Variants in DPYD observed in about 807,000 individuals in gnomAD.
DPYD encodes dihydropyrimidine dehydrogenase [NADP(+)].
In DPYD, 109 loss-of-function variants were observed where a neutral mutation model predicts 116.2. The ratio of observed to expected loss-of-function variants is 0.94; its 90% confidence interval spans 0.80 to 1.10. DPYD has a LOEUF of 1.10. DPYD is among the 50% of genes least tolerant of loss of function. DPYD has a pLI of 0.00. For missense variants in DPYD, 1,302 were observed against 1,254.5 expected (o/e 1.04, Z -0.57); for synonymous variants, 440 against 432.0 (o/e 1.02, Z -0.23).
intron 18 of DPYD, among the ~76,000 whole-genome samples, chr1:97,271,005 A>G (rs961142434): frequency 3.3e-5 from 5 of 152,352 alleles, no homozygotes; most frequent in African/African-American, 1.2e-4. Flanking sequence ...ACACAAAATG[A>G]TAAGTCCTTT....
At chr1:97,895,221 T>C (rs1252503855) in intron 1 of DPYD, among the ~76,000 whole-genome samples, 1 of 151,800 alleles carries the variant, frequency 6.6e-6, no homozygotes, top group East Asian at 1.9e-4. Flanking sequence ...ACCTTTAATC[T>C]AGTACCTTTT....
At chr1:97,682,380 C>A (rs992726959) in intron 7 of DPYD, among the ~76,000 whole-genome samples, 6 of 151,738 alleles carry the variant, frequency 4.0e-5, no homozygotes, top group East Asian at 2.0e-4. Flanking sequence ...AAAGCCATAA[C>A]AAGAACATTC....
At position 97,193,224 on chromosome 1, in the gene DPYD, C is replaced by T. The variant is rs752388408; in HGVS notation, c.2467G>A (p.Asp823Asn). 1.4e-5 allele frequency: 23 copies of T among 1,613,774 alleles called. No homozygotes were observed. The South Asian group carries it at 2.3e-4, about 16-fold the overall frequency. ...CAGTAGTCTTCGATCACAGTGAAATCCTGATTCTGAATGGCACTGCATACC... is the reference window on the plus strand; with the variant it reads ...CAGTAGTCTTCGATCACAGTGAAATTCTGATTCTGAATGGCACTGCATACC... ...LQVCSAIQNQ[D>N]FTVIEDYCTG... The change falls in exon 20 of 23, where the codon GAT (aspartate) becomes AAT (asparagine). Residue 823 changes from aspartate (D) to asparagine (N), a missense_variant. Transcript: ENST00000370192.
intron 3 of DPYD, among the ~76,000 whole-genome samples, chr1:97,792,968 C>T (rs747968498): frequency 6.6e-6 from 1 of 152,062 alleles, no homozygotes; most frequent in Non-Finnish European, 1.5e-5. Flanking sequence ...AGAAAAAGAA[C>T]ATTATGTAAA....
chr1:97,099,223 T>A (rs962118041), intron 20 of DPYD, among the ~76,000 whole-genome samples: 2 of 152,136 alleles, frequency 1.3e-5, no homozygotes, highest in Non-Finnish European at 2.9e-5. Flanking sequence ...AAAATATTGA[T>A]TTCTCTGTAC....
chr1:97,382,126 A>G (rs1015420012), intron 15 of DPYD, among the ~76,000 whole-genome samples: 2 of 152,208 alleles, frequency 1.3e-5, no homozygotes, highest in Non-Finnish European at 2.9e-5. Flanking sequence ...ATGCAAATAA[A>G]GAGTGTATGG....
intron 18 of DPYD, among the ~76,000 whole-genome samples, chr1:97,260,079 G>T (rs1016933718): frequency 6.6e-6 from 1 of 152,068 alleles, no homozygotes; most frequent in African/African-American, 2.4e-5. Flanking sequence ...CTCAAAAAGC[G>T]CTGTAGGTTA....
chr1:97,139,870 G>T (rs965904000), intron 20 of DPYD, among the ~76,000 whole-genome samples: 2 of 152,118 alleles, frequency 1.3e-5, no homozygotes, highest in East Asian at 1.9e-4. Flanking sequence ...AGACACTGGA[G>T]AAAAGATTAT....
intron 16 of DPYD, among the ~76,000 whole-genome samples, chr1:97,365,692 A>G (rs1246608933): frequency 6.6e-6 from 1 of 152,108 alleles, no homozygotes; most frequent in Non-Finnish European, 1.5e-5. Context: ...CAGTTGTGTG[A>G]TCTCAGTTCA....
chr1:97,721,821 C>G, intron 4 of DPYD, 150 bp from the exon 5 acceptor site: 2 of 726,018 alleles, frequency 2.8e-6, no homozygotes, highest in Non-Finnish European at 4.5e-6. Context: ...CTATCAGGAA[C>G]CATCAATTAA....
intron 21 of DPYD, among the ~76,000 whole-genome samples, chr1:97,095,645 CAT>C (rs1650189060): frequency 6.6e-6 from 1 of 151,332 alleles, no homozygotes; most frequent in Non-Finnish European, 1.5e-5. Context: ...TATATATATA[CAT>C]ATATACACAC....
chr1:97,877,143 G>T (rs1671962834), intron 2 of DPYD, among the ~76,000 whole-genome samples: 1 of 151,954 alleles, frequency 6.6e-6, no homozygotes, highest in East Asian at 1.9e-4. Flanking sequence ...AGTGTTGAGT[G>T]GAACATCAGA....
At chr1:97,812,115 T>A (rs145425841) in intron 3 of DPYD, among the ~76,000 whole-genome samples, 336 of 152,270 alleles carry the variant, frequency 2.2e-3, no homozygotes, top group African/African-American at 7.7e-3. Flanking sequence ...TTAGAATTAA[T>A]AAATGCATGC....
intron 3 of DPYD, among the ~76,000 whole-genome samples, chr1:97,786,068 C>T (rs1427803308): frequency 7.0e-6 from 1 of 143,746 alleles, no homozygotes; most frequent in Non-Finnish European, 1.5e-5. Flanking sequence ...ATGCCTCAGC[C>T]AAATTAAAAA....
At chr1:97,385,525 T>TA (rs34091738) in intron 14 of DPYD, among the ~76,000 whole-genome samples, 35,283 of 140,462 alleles carry the variant, frequency 0.25, 4,713 homozygotes, top group Middle Eastern at 0.35. Context: ...ATTTTTTTCT[T>TA]AAAAAAAAAA....
intron 19 of DPYD, among the ~76,000 whole-genome samples, chr1:97,221,979 A>C (rs1012327399): frequency 6.6e-6 from 1 of 152,124 alleles, no homozygotes; most frequent in Non-Finnish European, 1.5e-5. Flanking sequence ...TTATTAAAAA[A>C]TCAGTTACCC....
chr1:97,487,987 C>G (rs989275485), intron 13 of DPYD, among the ~76,000 whole-genome samples: 1 of 152,142 alleles, frequency 6.6e-6, no homozygotes, highest in African/African-American at 2.4e-5. Context: ...TTCATAGCAA[C>G]TTTATTTGTA....
chr1:97,417,336 T>C (rs1389088105), intron 14 of DPYD, among the ~76,000 whole-genome samples: 3 of 152,208 alleles, frequency 2.0e-5, no homozygotes, highest in Admixed American at 6.5e-5. Context: ...TCTATCTCCA[T>C]TGCTTCTTTT....
intron 3 of DPYD, among the ~76,000 whole-genome samples, chr1:97,745,133 C>G (rs966137907): frequency 2.6e-5 from 4 of 152,044 alleles, no homozygotes; most frequent in African/African-American, 9.7e-5. Context: ...TCTGATTACA[C>G]CACAGGTTCT....
Sources: allele counts gnomAD v4.1 joint callset (sites outside exome capture counted in the v4.1 genomes callset), GRCh38; gene constraint gnomAD v4.1.1; transcripts MANE v1.5; gene names NCBI Gene and HGNC (gene_info 2026-07-23, HGNC 2026-07-21).